RYR2: variants seen among roughly 807,000 people sequenced by gnomAD.
RYR2 encodes ryanodine receptor 2, also known as cardiac muscle ryanodine receptor-calcium release channel.
Under a neutral mutation model 601.1 loss-of-function variants are expected in RYR2, and 227 were observed. The ratio of observed to expected loss-of-function variants is 0.38; its 90% CI spans 0.34 to 0.42. The LOEUF (loss-of-function observed/expected upper bound fraction) is 0.42. Among genes scored for constraint, RYR2 ranks in the 10% least tolerant of loss-of-function variants. RYR2 has a pLI of 1.00. For missense variants in RYR2, 4,646 were observed against 6,156.5 expected (o/e 0.75, Z 8.21); for synonymous variants, 2,223 against 2,175.1 (o/e 1.02, Z -0.61).
Position 237,610,745 on chromosome 1 carries a change from G to A in RYR2, c.4684-17G>A, listed in dbSNP as rs757331859. ...GATGTTCTACATTTATTCTTTTTCT[G>A]CCTCCCCATCCGCTAGAATGTGATG... On this transcript the variant is annotated splice_polypyrimidine_tract_variant and intron_variant, in intron 35 of 104. Transcript: ENST00000366574. This position sits in a 1 kb window ranked among gnomAD's most constrained non-coding sequence, Gnocchi z 4.9. The A allele has an allele frequency of 1.0e-5, 16 of 1,568,474 alleles. No homozygotes were observed. The Admixed American group carries it at 3.0e-4, about 29-fold the overall frequency.
chr1:237,303,453 C>A (rs1383471002), intron 2 of RYR2, among the ~76,000 whole-genome samples: 1 of 151,756 alleles, frequency 6.6e-6, no homozygotes, highest in Admixed American at 6.6e-5. Flanking sequence ...GTGCACGCCA[C>A]CACTCCTGGC....
chr1:237,107,640 C>G (rs1668884987), intron 1 of RYR2, among the ~76,000 whole-genome samples: 1 of 152,070 alleles, frequency 6.6e-6, no homozygotes, highest in African/African-American at 2.4e-5. Context: ...CTTCCGATTC[C>G]TGGCTCAGAG....
At chr1:237,156,304 A>AT (rs139329861) in intron 1 of RYR2, among the ~76,000 whole-genome samples, 6 of 152,182 alleles carry the variant, frequency 3.9e-5, no homozygotes, top group South Asian at 2.1e-4. Flanking sequence ...TTAAAGGTTA[A>AT]TTTTTTTTGT....
At chr1:237,828,100 T>C (rs1267302544) in intron 101 of RYR2, among the ~76,000 whole-genome samples, 1 of 152,188 alleles carries the variant, frequency 6.6e-6, no homozygotes, top group East Asian at 1.9e-4. Flanking sequence ...TGTAATAACA[T>C]CTGTATATGC....
In RYR2 at chr1:237,149,902, A is replaced by G. The variant is rs575854987; in HGVS notation, c.48+107333A>G. ...ATGAGCCGTTGCCATGATTAGTTAC[A>G]TATGCTGGCCCATTTTCCACCCGAG... On this transcript the variant is annotated intron_variant, in intron 1 of 104. Transcript: ENST00000366574. Among the ~76,000 whole-genome samples the G allele has an allele frequency of 2.7e-3, 407 of 152,246 alleles. 2 individuals carry two copies. Among genetic ancestry groups the G allele is most frequent in the African/African-American group, 9.1e-3 (380 of 41,536 alleles).
chr1:237,528,657 C>G (rs1196645848), intron 24 of RYR2, among the ~76,000 whole-genome samples: 3 of 152,180 alleles, frequency 2.0e-5, no homozygotes, highest in African/African-American at 7.2e-5. Context: ...GCATAAAACA[C>G]TGGCTCTCTC....
chr1:237,182,410 G>T (rs757752991), intron 1 of RYR2, among the ~76,000 whole-genome samples: 2 of 151,928 alleles, frequency 1.3e-5, no homozygotes, highest in Non-Finnish European at 2.9e-5. Context: ...GTGAGCCACC[G>T]CACCCAGCTC....
intron 1 of RYR2, among the ~76,000 whole-genome samples, chr1:237,105,529 T>C (rs542021704): frequency 6.6e-6 from 1 of 151,766 alleles, no homozygotes; most frequent in East Asian, 2.0e-4. Flanking sequence ...AAAACCTGTC[T>C]CTACTAAAAA....
intron 20 of RYR2, among the ~76,000 whole-genome samples, chr1:237,500,452 C>T (rs1467907429): frequency 6.6e-6 from 1 of 152,180 alleles, no homozygotes; most frequent in African/African-American, 2.4e-5. Flanking sequence ...GATCAGTTGC[C>T]ATCCGTCTAC....
At chr1:237,279,893 C>T (rs1690680070) in intron 2 of RYR2, among the ~76,000 whole-genome samples, 1 of 152,126 alleles carries the variant, frequency 6.6e-6, no homozygotes, top group Admixed American at 6.5e-5. Context: ...TCCAATATTT[C>T]AATTATTCTG....
At chr1:237,798,848 T>C (rs1261455738) in intron 97 of RYR2, among the ~76,000 whole-genome samples, 5 of 152,046 alleles carry the variant, frequency 3.3e-5, no homozygotes, top group African/African-American at 4.8e-5. Flanking sequence ...TTTAGCAAAT[T>C]TGATCAACTG....
intron 17 of RYR2, among the ~76,000 whole-genome samples, chr1:237,473,098 A>G (rs1480544036): frequency 2.6e-5 from 4 of 151,210 alleles, no homozygotes; most frequent in African/African-American, 7.3e-5. Context: ...TGTTAGGGGG[A>G]TTAAATGATT....
At position 237,388,051 on chromosome 1, in the gene RYR2, G is replaced by A. The variant is rs371419888; in HGVS notation, c.677-36G>A. The A allele has an allele frequency of 5.7e-6, 9 of 1,572,696 alleles. No individual in the cohort carries two copies. In the East Asian group the frequency reaches 1.1e-4, roughly 20 times the overall value. On this transcript the variant is annotated intron_variant, in intron 9 of 104. Transcript: ENST00000366574. Reference sequence around the variant, plus strand: ...TGTCTGGCTATCAGCACCTGACACTGACAGTCCAGACCTGAATGATTTTTT... The same window carrying A: ...TGTCTGGCTATCAGCACCTGACACTAACAGTCCAGACCTGAATGATTTTTT...
At chr1:237,537,940 G>A (rs1668820944) in intron 25 of RYR2, among the ~76,000 whole-genome samples, 1 of 152,178 alleles carries the variant, frequency 6.6e-6, no homozygotes, top group Admixed American at 6.5e-5. Context: ...AACAGAAGGA[G>A]AGCTTCAAGT....
intron 25 of RYR2, among the ~76,000 whole-genome samples, chr1:237,543,187 T>C (rs1057165191): frequency 6.6e-6 from 1 of 152,164 alleles, no homozygotes. Flanking sequence ...TCTCTTGAAA[T>C]GCCTCCTTCT....
chr1:237,496,677 G>A lies in RYR2; in HGVS notation c.2128G>A (p.Gly710Ser). The A allele has an allele frequency of 6.2e-7, 1 of 1,613,966 alleles. No individual in the cohort carries two copies. Among genetic ancestry groups the A allele is most frequent in the Non-Finnish European group, 8.5e-7 (1 of 1,179,870 alleles). Residue 710 changes from glycine to serine, a missense_variant, in exon 20 of 105, where the codon GGC (glycine) becomes AGC (serine). By Grantham distance (56) the Gly-to-Ser change is moderately conservative. Coordinates refer to ENST00000366574, the MANE Select transcript of RYR2 (RefSeq NM_001035.3). ...TEGYSPYPGG[G>S]EEWGGNGVGD... ...AGGATATTCTCCCTACCCTGGAGGGGGCGAAGAGTGGGGTGGAAATGGTGT... is the reference window on the plus strand; with the variant it reads ...AGGATATTCTCCCTACCCTGGAGGGAGCGAAGAGTGGGGTGGAAATGGTGT...
In RYR2 at chr1:237,320,169, C is replaced by T. The variant is rs563899086; in HGVS notation, c.169-10709C>T. Among the ~76,000 whole-genome samples, 45 of 152,210 alleles carry T rather than the reference C, an allele frequency of 3.0e-4. No individual in the cohort carries two copies. In the South Asian group the frequency reaches 9.3e-3, roughly 32 times the overall value. ...ACAGCTCTGAAAGTGTTATTTTTGT[C>T]AATTTTATCCAGCTGGCTTTTTAAG... On this transcript the variant is annotated intron_variant, in intron 2 of 104. Transcript: ENST00000366574.
chr1:237,252,124 C>T (rs908923403), intron 1 of RYR2, among the ~76,000 whole-genome samples: 9 of 151,644 alleles, frequency 5.9e-5, no homozygotes, highest in African/African-American at 1.9e-4. Flanking sequence ...GAGTCATGTC[C>T]TTCCTCTGCT....
At chr1:237,226,375 C>T (rs765749999) in intron 1 of RYR2, among the ~76,000 whole-genome samples, 19 of 152,240 alleles carry the variant, frequency 1.2e-4, no homozygotes, top group Middle Eastern at 6.8e-3. Flanking sequence ...TTGTCAGTGG[C>T]GTGGCGTACA....
Sources: allele counts gnomAD v4.1 joint callset (sites outside exome capture counted in the v4.1 genomes callset), GRCh38; gene constraint gnomAD v4.1.1; non-coding constraint Gnocchi (gnomAD v3.1); transcripts MANE v1.5; gene names NCBI Gene and HGNC (gene_info 2026-07-23, HGNC 2026-07-21).